The following FRK variants were observed in gnomAD, a reference collection of about 807,000 sequenced individuals.
The protein encoded by FRK is tyrosine-protein kinase FRK.
FRK carries 51 observed loss-of-function variants against 56.4 expected under a neutral mutation model. That is an observed-to-expected ratio of 0.90 (90% confidence interval 0.72 to 1.14). The LOEUF is 1.14. FRK is among the 50% of genes most tolerant of loss of function. The probability of loss-of-function intolerance (pLI) is 0.00; values close to 1 mark genes in which losing one functional copy is unlikely to be tolerated. For synonymous variants in FRK, 245 were observed against 217.9 expected (o/e 1.12, Z -1.10); for missense variants, 570 against 601.4 (o/e 0.95, Z 0.55).
the FRK span, among the ~76,000 whole-genome samples, chr6:116,095,558 C>T: frequency 6.6e-6 from 1 of 152,172 alleles, no homozygotes; most frequent in African/African-American, 2.4e-5. Context: ...CAGTGCCCCT[C>T]AAAGCTCAAG....
intron 2 of FRK, among the ~76,000 whole-genome samples, chr6:115,998,593 A>G (rs993545075): frequency 1.3e-5 from 2 of 152,182 alleles, no homozygotes; most frequent in African/African-American, 4.8e-5. Context: ...ACACAAATTG[A>G]TACCTTCCCT....
At chr6:115,950,594 G>C (rs1582636762) in intron 5 of FRK, among the ~76,000 whole-genome samples, 1 of 152,340 alleles carries the variant, frequency 6.6e-6, no homozygotes, top group East Asian at 1.9e-4. Flanking sequence ...TTCAACCATT[G>C]TGGAGGACAG....
upstream of FRK, among the ~76,000 whole-genome samples, chr6:116,062,915 C>T (rs988618199): frequency 9.2e-5 from 14 of 152,096 alleles, no homozygotes; most frequent in African/African-American, 1.9e-4. Context: ...TCCTTCTGAG[C>T]GACAGCTGGG....
chr6:116,075,465 G>A, the FRK span, among the ~76,000 whole-genome samples: 17 of 136,412 alleles, frequency 1.2e-4, no homozygotes, highest in Middle Eastern at 3.8e-3. Context: ...AGAGCTGGGG[G>A]AAAAAAAAAA....
chr6:116,081,145 C>A, the FRK span, among the ~76,000 whole-genome samples: 5 of 152,246 alleles, frequency 3.3e-5, no homozygotes, highest in East Asian at 5.8e-4. Flanking sequence ...AAACCTGCCC[C>A]CATGATTCAA....
chr6:116,049,441 T>C (rs1463707047), intron 1 of FRK, among the ~76,000 whole-genome samples: 17 of 152,100 alleles, frequency 1.1e-4, no homozygotes, highest in Non-Finnish European at 4.4e-5. Context: ...CAGGAGAAAA[T>C]AGATAGTCTC....
At chr6:116,057,882 A>G (rs547377747) in intron 1 of FRK, among the ~76,000 whole-genome samples, 1 of 152,340 alleles carries the variant, frequency 6.6e-6, no homozygotes, top group African/African-American at 2.4e-5. Flanking sequence ...TACCCAGAAT[A>G]TGATACCTTC....
intron 1 of FRK, among the ~76,000 whole-genome samples, chr6:116,046,713 T>C (rs765108614): frequency 1.3e-5 from 2 of 152,064 alleles, no homozygotes; most frequent in Non-Finnish European, 2.9e-5. Context: ...CAAACAACCA[T>C]GGCACGTGTA....
intron 2 of FRK, among the ~76,000 whole-genome samples, chr6:115,997,187 C>G (rs1218892485): frequency 6.6e-6 from 1 of 152,152 alleles, no homozygotes; most frequent in African/African-American, 2.4e-5. Flanking sequence ...TTGTGCAATA[C>G]TTTGTACAAT....
rs1231249539 is a variant in FRK at position 115,938,629 on chromosome 6, A to T, written c.*3785T>A. ...AATCAAATAGACACAATAAAAAATG[A>T]TAAAGCGGAGATCACCACTGATCCC... On this transcript the variant is annotated 3_prime_UTR_variant, in exon 8 of 8. Transcript: ENST00000606080. The T allele has an allele frequency of 6.6e-6, 1 of 152,236 alleles. No individual in the cohort carries two copies. Among genetic ancestry groups the T allele is most frequent in the East Asian group, 1.9e-4 (1 of 5,200 alleles). The allele number at this position is 152,236 out of a possible 1,614,324, so 9.4% of individuals were successfully genotyped here.
chr6:116,061,399 A>AAC (rs3049929), upstream of FRK, among the ~76,000 whole-genome samples: 54,588 of 146,422 alleles, frequency 0.37, 9,997 homozygotes, highest in East Asian at 0.6. Context: ...CTATTTGGGA[A>AAC]ACACACACAC....
chr6:116,001,574 T>A (rs544981105), intron 2 of FRK, among the ~76,000 whole-genome samples: 1 of 152,164 alleles, frequency 6.6e-6, no homozygotes, highest in East Asian at 1.9e-4. Context: ...TGGCCAATCA[T>A]GACTCAGCTG....
chr6:116,056,984 G>A (rs895954404), intron 1 of FRK, among the ~76,000 whole-genome samples: 1 of 152,172 alleles, frequency 6.6e-6, no homozygotes, highest in African/African-American at 2.4e-5. Flanking sequence ...CTACTTCCAA[G>A]TATAAAAGAA....
chr6:115,958,800 A>G lies in FRK; in HGVS notation c.800-2190T>C, dbSNP rs868771657. Reference sequence around the variant, plus strand: ...GGAAGGAGAGAGAGAAAGAAAGAAAAAGAAAGAAAGAAAGAAAGAAAAAGA... The same window carrying G: ...GGAAGGAGAGAGAGAAAGAAAGAAAGAGAAAGAAAGAAAGAAAGAAAAAGA... On this transcript the variant is annotated intron_variant, in intron 4 of 7. Transcript: ENST00000606080. Among the ~76,000 whole-genome samples, 12 of 54,192 alleles carry G rather than the reference A, an allele frequency of 2.2e-4. No homozygotes were observed. In the East Asian group the frequency reaches 2.8e-3, roughly 13 times the overall value. The allele number at this position is 54,192 out of a possible 152,430, so 35.6% of individuals were successfully genotyped here. A position where few individuals can be genotyped will look rare whatever the true frequency, so the allele number is the denominator to read the frequency against.
chr6:116,098,407 G>C, the FRK span, among the ~76,000 whole-genome samples: 409 of 152,260 alleles, frequency 2.7e-3, 2 homozygotes, highest in African/African-American at 8.9e-3. Flanking sequence ...CACGACGCCA[G>C]GCAGACAGCC....
chr6:115,984,938 A>C (rs1054120308), intron 2 of FRK, among the ~76,000 whole-genome samples: 1 of 152,152 alleles, frequency 6.6e-6, no homozygotes, highest in East Asian at 1.9e-4. Flanking sequence ...ATCACAATTC[A>C]AGAAAGCTTC....
At chr6:116,054,280 G>A (rs1167946573) in intron 1 of FRK, among the ~76,000 whole-genome samples, 1 of 149,930 alleles carries the variant, frequency 6.7e-6, no homozygotes, top group Non-Finnish European at 1.5e-5. Context: ...GGACAGTAAC[G>A]CTAATTAATC....
chr6:115,958,704 G>GAAAGAAAGAAA (rs5879359), intron 4 of FRK, among the ~76,000 whole-genome samples: 1 of 6,960 alleles, frequency 1.4e-4, no homozygotes, highest in Non-Finnish European at 3.0e-4. Flanking sequence ...AAGAAAGAAA[G>GAAAGAAAGAAA]AAGAAAGAAA....
At chr6:116,087,855 G>GT in the FRK span, among the ~76,000 whole-genome samples, 2 of 152,218 alleles carry the variant, frequency 1.3e-5, no homozygotes, top group East Asian at 3.8e-4. Flanking sequence ...TCATTTTCAT[G>GT]TAAGTACAGA....
Sources: gnomAD v4.1 joint callset for allele counts (sites outside exome capture counted in the v4.1 genomes callset) on GRCh38, gnomAD v4.1.1 for gene constraint, MANE v1.5 for transcripts, NCBI Gene and HGNC (gene_info 2026-07-23, HGNC 2026-07-21) for gene names.